The following IPO13 variants were observed in gnomAD, a reference collection of about 807,000 sequenced individuals.
The protein encoded by IPO13 is importin-13.
A neutral mutation model predicts 115.5 loss-of-function variants in IPO13; 28 were observed. The ratio of observed to expected loss-of-function variants is 0.24; its 90% CI spans 0.18 to 0.33. The LOEUF (loss-of-function observed/expected upper bound fraction) is 0.33, where lower values mean the gene tolerates loss of function less well. Ranked by LOEUF, IPO13 falls within the 10% of genes least tolerant of loss-of-function variation. The probability of loss-of-function intolerance (pLI) is 1.00; values close to 1 mark genes in which losing one functional copy is unlikely to be tolerated. For missense variants in IPO13, 785 were observed against 1,204.6 expected, an observed-to-expected ratio of 0.65 and a Z score of 5.16; for synonymous variants, 414 against 478.9, an observed-to-expected ratio of 0.86 and a Z score of 1.77.
chr1:43,964,773 A>C (rs1357829212), intron 15 of IPO13, among the ~76,000 whole-genome samples: 1 of 152,186 alleles, frequency 6.6e-6, no homozygotes, highest in East Asian at 1.9e-4. Context: ...CGAGGGGCTG[A>C]AGAGGAATGT....
rs1365258196 is a variant in IPO13 at position 43,967,041 on chromosome 1, T to A, written c.2613+22T>A. The stretch of plus-strand genomic sequence containing the variant: ...GGAGGTGAGACGGAGCAAAGGGGGG[T>A]TTGATGGGGGTGAGGGCCCCTCACT... On this transcript the variant is annotated intron_variant, in intron 18 of 19. Coordinates refer to ENST00000372343, the MANE Select transcript of IPO13 (RefSeq NM_014652.4). This position sits in a 1 kb window ranked among gnomAD's most constrained non-coding sequence, Gnocchi z 6.1. 4 of 1,594,694 alleles carry A rather than the reference T, an allele frequency of 2.5e-6. No homozygotes were observed. The highest frequency in any genetic ancestry group is 2.2e-5 in the East Asian group (1 of 44,754).
At position 43,958,787 on chromosome 1, in the gene IPO13, G is replaced by T. The variant is rs1292285246; in HGVS notation, c.1926G>T (p.Gly642=). Residue 642 remains glycine (G), a synonymous_variant, in exon 11 of 20, where the codon GGG becomes GGT. Transcript: ENST00000372343. The surrounding 1 kb of genome is among the most constrained non-coding windows in gnomAD (Gnocchi z 6.3). ...AGCTGGCCATTGTTCACATCTTGGG[G>T]CTTCTCTCCAACCTCTTCACCACAC... is the stretch of plus-strand genomic sequence containing the variant. ...SNKLAIVHIL[G]LLSNLFTTLD... The T allele has an allele frequency of 1.2e-6, 2 of 1,613,996 alleles. No homozygotes were observed. The highest frequency in any genetic ancestry group is 1.7e-6 in the Non-Finnish European group (2 of 1,180,034).
chr1:43,954,060 G>A (rs1460799595), intron 2 of IPO13, among the ~76,000 whole-genome samples: 2 of 152,228 alleles, frequency 1.3e-5, no homozygotes, highest in Non-Finnish European at 2.9e-5. Context: ...CGAGTACCCT[G>A]CCATCTGCAT....
chr1:43,948,593 A>T (rs1167512828), intron 1 of IPO13, among the ~76,000 whole-genome samples: 1 of 152,170 alleles, frequency 6.6e-6, no homozygotes, highest in Non-Finnish European at 1.5e-5. Flanking sequence ...AGCTAAGCTT[A>T]CTTGGATGGA....
chr1:43,956,780 G>C lies in IPO13; in HGVS notation c.1105-30G>C. ...ATGGGCTTCTATGACTGCTGGTGAG[G>C]TGGCTAATTCTCTTCCCTGGCTCTC... On this transcript the variant is annotated intron_variant, in intron 4 of 19. Coordinates refer to ENST00000372343, the MANE Select transcript of IPO13 (RefSeq NM_014652.4). The surrounding 1 kb of genome is among the most constrained non-coding windows in gnomAD (Gnocchi z 4.7). The C allele has an allele frequency of 6.2e-7, 1 of 1,613,690 alleles. No individual in the cohort carries two copies. The highest frequency in any genetic ancestry group is 8.5e-7 in the Non-Finnish European group (1 of 1,179,678).
Position 43,958,336 on chromosome 1 carries a change from GT to G in IPO13, c.1749+74del. ...GGGAATCACTTATCCCTGAAATCCT[GT>G]TTTTTGGCCTTCCCCTTCCTCTTAT... On this transcript the variant is annotated intron_variant, in intron 9 of 19. Coordinates refer to ENST00000372343, the MANE Select transcript of IPO13 (RefSeq NM_014652.4). The surrounding 1 kb of genome is among the most constrained non-coding windows in gnomAD (Gnocchi z 6.3). The G allele has an allele frequency of 6.2e-7, 1 of 1,611,464 alleles. No individual in the cohort carries two copies. The highest frequency in any genetic ancestry group is 1.1e-5 in the South Asian group (1 of 91,016).
At chr1:43,961,051 G>A (rs1330663895) in intron 13 of IPO13, 38 bp downstream of exon 13, 1 of 1,612,556 alleles carries the variant, frequency 6.2e-7, no homozygotes, top group Non-Finnish European at 8.5e-7. Context: ...CTGACCCTGG[G>A]TGGGGGTGGG....
chr1:43,966,967 T>C lies in IPO13; in HGVS notation c.2561T>C (p.Val854Ala). 1 of 1,612,854 alleles carries C rather than the reference T, an allele frequency of 6.2e-7. No homozygotes were observed. Among genetic ancestry groups the C allele is most frequent in the Non-Finnish European group, 8.5e-7 (1 of 1,179,730 alleles). ...LLPRCGEVES[V>A]GKVVQEDGRM... ...CCTCGGTGTGGGGAAGTAGAGTCTG[T>C]GGGAAAGGTGGTACAGGAAGACGGT... Residue 854 changes from valine (V) to alanine (A), a missense_variant, in exon 18 of 20, where the codon GTG (valine) becomes GCG (alanine). Transcript: ENST00000372343. This position sits in a 1 kb window ranked among gnomAD's most constrained non-coding sequence, Gnocchi z 4.1.
chr1:43,967,248 G>C lies in IPO13; in HGVS notation c.2614-67G>C. The C allele has an allele frequency of 6.5e-7, 1 of 1,534,304 alleles. No individual in the cohort carries two copies. Among genetic ancestry groups the C allele is most frequent in the Non-Finnish European group, 8.9e-7 (1 of 1,117,960 alleles). The stretch of plus-strand genomic sequence containing the variant: ...TTAGGAACTGTCCAGAGGGCAGTTA[G>C]GCATTCTTGCTGCAGAAGCGGCGGA... On this transcript the variant is annotated intron_variant, in intron 18 of 19. Transcript: ENST00000372343. The surrounding 1 kb of genome is among the most constrained non-coding windows in gnomAD (Gnocchi z 6.1).
Position 43,947,011 on chromosome 1 carries a change from G to C in IPO13, c.-590G>C, listed in dbSNP as rs575220236. Reference sequence around the variant, plus strand: ...TGTAGCGGGGCTGTAGCCGGGCGTTGAGCACAGCGCGGGCCAGGCCGAACG... The same window carrying C: ...TGTAGCGGGGCTGTAGCCGGGCGTTCAGCACAGCGCGGGCCAGGCCGAACG... On this transcript the variant is annotated 5_prime_UTR_variant, in exon 1 of 20. Coordinates refer to ENST00000372343, the MANE Select transcript of IPO13 (RefSeq NM_014652.4). 10 of 398,502 alleles carry C rather than the reference G, an allele frequency of 2.5e-5. No individual in the cohort carries two copies. Among genetic ancestry groups the C allele is most frequent in the Middle Eastern group, 6.3e-4 (1 of 1,588 alleles). The allele number at this position is 398,502 out of a possible 1,614,324, so 24.7% of individuals were successfully genotyped here.
chr1:43,962,619 C>T (rs1044904803), intron 14 of IPO13, among the ~76,000 whole-genome samples: 29 of 152,166 alleles, frequency 1.9e-4, no homozygotes, highest in Non-Finnish European at 3.8e-4. Context: ...CCCATTTGAT[C>T]CCTGTGCCTT....
intron 11 of IPO13, 65 bp from the exon 12 acceptor site, chr1:43,960,184 A>G: frequency 6.7e-7 from 1 of 1,501,942 alleles, no homozygotes; most frequent in Non-Finnish European, 9.3e-7. Context: ...CCTGCCACCA[A>G]GTCCTCCTCA....
At chr1:43,950,267 GGAGA>G in intron 2 of IPO13, 114 bp downstream of exon 2, 4 of 1,266,360 alleles carry the variant, frequency 3.2e-6, no homozygotes, top group Non-Finnish European at 4.3e-6. Context: ...GTCCTATGCT[GGAGA>G]TACAGCAAGG....
chr1:43,964,451 C>T, intron 15 of IPO13, 130 bp downstream of exon 15: 1 of 696,654 alleles, frequency 1.4e-6, no homozygotes, highest in Non-Finnish European at 2.5e-6. Flanking sequence ...AATAGAGTTT[C>T]TTCATCTGTT....
intron 14 of IPO13, among the ~76,000 whole-genome samples, chr1:43,963,416 A>G (rs1258411429): frequency 6.6e-6 from 1 of 152,176 alleles, no homozygotes; most frequent in Non-Finnish European, 1.5e-5. Flanking sequence ...AATCTTAGCC[A>G]TTCCTTCCTC....
In IPO13 at chr1:43,966,706, C is replaced by T; in HGVS notation, c.2465-18C>T. 6.2e-7 allele frequency: 1 copy of T among 1,614,186 alleles called. No homozygotes were observed. The highest frequency in any genetic ancestry group is 1.1e-5 in the South Asian group (1 of 91,088). On this transcript the variant is annotated intron_variant, in intron 16 of 19. Transcript: ENST00000372343. The surrounding 1 kb of genome is among the most constrained non-coding windows in gnomAD (Gnocchi z 4.1). The stretch of plus-strand genomic sequence containing the variant: ...CTAGAAGGATCGTTAAACTGATCTG[C>T]CTCTGCCTTTCCCACAGCTGTGCTG...
At chr1:43,963,913 G>T (rs1444900170) in intron 14 of IPO13, among the ~76,000 whole-genome samples, 2 of 152,210 alleles carry the variant, frequency 1.3e-5, no homozygotes, top group African/African-American at 4.8e-5. Flanking sequence ...GCAGTGTAGG[G>T]CTACCCCAAC....
Position 43,967,123 on chromosome 1 carries a change from TTC to T in IPO13, c.2613+106_2613+107del. 1.7e-6 allele frequency: 2 copies of T among 1,180,084 alleles called. No homozygotes were observed. The highest frequency in any genetic ancestry group is 2.3e-5 in the East Asian group (1 of 42,588). The allele number at this position is 1,180,084 out of a possible 1,614,324, so 73.1% of individuals were successfully genotyped here. A position where few individuals can be genotyped will look rare whatever the true frequency, so the allele number is the denominator to read the frequency against. ...GCCTTTGGTCCCCTAAGCTCTCAGA[TTC>T]TGTTTCTTCTTCAATTAAATGCCTG... On this transcript the variant is annotated intron_variant, in intron 18 of 19. Transcript: ENST00000372343. The surrounding 1 kb of genome is among the most constrained non-coding windows in gnomAD (Gnocchi z 6.1).
At chr1:43,960,394 T>C (rs1365266274) in intron 12 of IPO13, 65 bp downstream of exon 12, 1 of 1,358,056 alleles carries the variant, frequency 7.4e-7, no homozygotes, top group Non-Finnish European at 1.1e-6. Context: ...GGGTAAGATG[T>C]TACTGCCACA....
Sources: allele counts gnomAD v4.1 joint callset (sites outside exome capture counted in the v4.1 genomes callset), GRCh38; gene constraint gnomAD v4.1.1; non-coding constraint Gnocchi (gnomAD v3.1); transcripts MANE v1.5; gene names NCBI Gene and HGNC (gene_info 2026-07-23, HGNC 2026-07-21).